Variants in ZNF35 observed in about 807,000 individuals in gnomAD.
ZNF35 encodes the protein zinc finger protein 35, also known as zinc finger protein 35 (clone HF.10).
A neutral mutation model predicts 45.9 loss-of-function variants in ZNF35; 31 were observed. That is an observed-to-expected ratio of 0.68 (90% confidence interval 0.51 to 0.91). The LOEUF is 0.91. ZNF35 is among the 40% of genes least tolerant of loss of function. The probability of loss-of-function intolerance (pLI) is 0.00; values close to 1 mark genes in which losing one functional copy is unlikely to be tolerated. For missense variants in ZNF35, 515 were observed against 625.4 expected, an observed-to-expected ratio of 0.82 and a Z score of 1.88; for synonymous variants, 205 against 220.2, an observed-to-expected ratio of 0.93 and a Z score of 0.61.
chr3:44,660,094 A>G lies in ZNF35; in HGVS notation c.*147A>G. The G allele has an allele frequency of 1.2e-6, 1 of 845,744 alleles. No individual in the cohort carries two copies. Among genetic ancestry groups the G allele is most frequent in the Non-Finnish European group, 1.7e-6 (1 of 589,656 alleles). The allele number at this position is 845,744 out of a possible 1,614,324, so 52.4% of individuals were successfully genotyped here. A position where few individuals can be genotyped will look rare whatever the true frequency, so the allele number is the denominator to read the frequency against. ...TTTTCAGGAATGCAGCAGAAGACAC[A>G]AGAAAAGCATTTCAGAGGCTAATTT... On this transcript the variant is annotated 3_prime_UTR_variant, in exon 4 of 4. Coordinates refer to ENST00000396056, the MANE Select transcript of ZNF35 (RefSeq NM_003420.4).
chr3:44,656,671 G>A (rs1322091852), intron 3 of ZNF35, among the ~76,000 whole-genome samples: 1 of 148,648 alleles, frequency 6.7e-6, no homozygotes, highest in African/African-American at 2.5e-5. Flanking sequence ...GGGATTACAT[G>A]AGCCACTGCA....
chr3:44,650,250 A>ATCCT (rs1575512794), intron 1 of ZNF35, among the ~76,000 whole-genome samples: 1 of 152,190 alleles, frequency 6.6e-6, no homozygotes, highest in East Asian at 1.9e-4. Flanking sequence ...TTAAATCTTA[A>ATCCT]GTGTAATATT....
At chr3:44,657,097 G>T (rs1384288432) in intron 3 of ZNF35, among the ~76,000 whole-genome samples, 1 of 152,162 alleles carries the variant, frequency 6.6e-6, no homozygotes, top group East Asian at 1.9e-4. Flanking sequence ...CTGAATGATT[G>T]TGATAGAATT....
chr3:44,654,994 C>G (rs2125841593), intron 3 of ZNF35, among the ~76,000 whole-genome samples: 1 of 152,118 alleles, frequency 6.6e-6, no homozygotes, highest in African/African-American at 2.4e-5. Flanking sequence ...ATTAGCCAGG[C>G]ATGGTGGTGC....
chr3:44,659,876 G>C lies in ZNF35; in HGVS notation c.1513G>C (p.Glu505Gln), dbSNP rs1703372173. ...THTGEKPYEC[E>Q]KCGAAFISNS... Reference sequence around the variant, plus strand: ...CACTGGGGAGAAGCCCTATGAATGTGAGAAGTGTGGTGCAGCTTTCATTTC... The same window carrying C: ...CACTGGGGAGAAGCCCTATGAATGTCAGAAGTGTGGTGCAGCTTTCATTTC... The change falls in exon 4 of 4, where the codon GAG (glutamate) becomes CAG (glutamine). Residue 505 changes from glutamate (E) to glutamine (Q), a missense_variant. By Grantham distance (29) the Glu-to-Gln change is conservative. Coordinates refer to ENST00000396056, the MANE Select transcript of ZNF35 (RefSeq NM_003420.4). The surrounding 1 kb of genome is among the most constrained non-coding windows in gnomAD (Gnocchi z 4.3). 6.2e-7 allele frequency: 1 copy of C among 1,609,054 alleles called. No homozygotes were observed. Among genetic ancestry groups the C allele is most frequent in the African/African-American group, 1.3e-5 (1 of 74,868 alleles).
rs761992185 is a variant in ZNF35 at position 44,658,776 on chromosome 3, T to C, written c.413T>C (p.Ile138Thr). The C allele has an allele frequency of 1.0e-5, 16 of 1,606,498 alleles. No individual in the cohort carries two copies. The Middle Eastern group carries it at 5.0e-4, about 50-fold the overall frequency. The change falls in exon 4 of 4, where the codon ATA (isoleucine) becomes ACA (threonine). Residue 138 changes from isoleucine to threonine, a missense_variant. This residue lies in a region of ZNF35 where 275 missense variants were observed against 295.7 expected (regional missense o/e 0.93). Transcript: ENST00000396056. ...ICEEAEKPLI[I>T]SERIQKADPQ... Reference sequence around the variant, plus strand: ...GAGGAAGCTGAAAAACCCCTCATCATATCAGAAAGAATCCAGAAAGCTGAT... The same window carrying C: ...GAGGAAGCTGAAAAACCCCTCATCACATCAGAAAGAATCCAGAAAGCTGAT...
intron 3 of ZNF35, among the ~76,000 whole-genome samples, chr3:44,655,794 G>T (rs1031205766): frequency 1.3e-5 from 2 of 152,198 alleles, no homozygotes; most frequent in Non-Finnish European, 1.5e-5. Context: ...TAATGGTTTT[G>T]ACATGAGACA....
Position 44,659,290 on chromosome 3 carries a change from T to C in ZNF35, c.927T>C (p.Asn309=), listed in dbSNP as rs766144715. The C allele has an allele frequency of 6.2e-7, 1 of 1,613,974 alleles. No homozygotes were observed. Among genetic ancestry groups the C allele is most frequent in the Non-Finnish European group, 8.5e-7 (1 of 1,179,954 alleles). ...IHSLEKTFKC[N]ECEKAFSYSS... ...CCTTAGAAAAAACTTTTAAGTGCAATGAATGTGAGAAAGCCTTTAGTTACA... is the reference window on the plus strand; with the variant it reads ...CCTTAGAAAAAACTTTTAAGTGCAACGAATGTGAGAAAGCCTTTAGTTACA... The change falls in exon 4 of 4, where the codon AAT becomes AAC. Residue 309 remains asparagine, a synonymous_variant. Coordinates refer to ENST00000396056, the MANE Select transcript of ZNF35 (RefSeq NM_003420.4). The surrounding 1 kb of genome is among the most constrained non-coding windows in gnomAD (Gnocchi z 4.3).
rs1428110288 is a variant in ZNF35, at chr3:44,648,851, G to C, written c.-128+17G>C. On this transcript the variant is annotated intron_variant, in intron 1 of 3. Coordinates refer to ENST00000396056, the MANE Select transcript of ZNF35 (RefSeq NM_003420.4). ...CTGCGCACAGTGAGTGGGGTCGGAG[G>C]GGGTGGGCACGAACGTCGAGGGAGA... 6.6e-6 allele frequency: 1 copy of C among 152,280 alleles called. No homozygotes were observed. Among genetic ancestry groups the C allele is most frequent in the Admixed American group, 6.6e-5 (1 of 15,214 alleles). The allele number at this position is 152,280 out of a possible 1,614,324, so 9.4% of individuals were successfully genotyped here. A position where few individuals can be genotyped will look rare whatever the true frequency, so the allele number is the denominator to read the frequency against.
At chr3:44,651,703 C>T (rs901146655) in intron 2 of ZNF35, among the ~76,000 whole-genome samples, 8 of 151,804 alleles carry the variant, frequency 5.3e-5, no homozygotes, top group Admixed American at 3.9e-4. Flanking sequence ...CATGGTGGCA[C>T]GTGCCTGTAG....
rs1265196613 is a variant in ZNF35 at position 44,660,638 on chromosome 3, C to T, written c.*691C>T. The T allele has an allele frequency of 2.0e-5, 3 of 152,328 alleles. No homozygotes were observed. Among genetic ancestry groups the T allele is most frequent in the Non-Finnish European group, 4.4e-5 (3 of 68,120 alleles). 9.4% of individuals were successfully genotyped at this position (152,328 alleles called of 1,614,324 possible). A position where few individuals can be genotyped will look rare whatever the true frequency, so the allele number is the denominator to read the frequency against. On this transcript the variant is annotated 3_prime_UTR_variant, in exon 4 of 4. Transcript: ENST00000396056. Reference sequence around the variant, plus strand: ...CACTCAAGGATTGATGGACACCACACACCAGCTATATTCATTTGCCAAGAT... The same window carrying T: ...CACTCAAGGATTGATGGACACCACATACCAGCTATATTCATTTGCCAAGAT...
chr3:44,656,686 G>A (rs538441066), intron 3 of ZNF35, among the ~76,000 whole-genome samples: 15 of 144,856 alleles, frequency 1.0e-4, no homozygotes, highest in Non-Finnish European at 2.0e-4. Flanking sequence ...ACTGCACCCG[G>A]CTTTTTTTTT....
rs1201695543 is a variant in ZNF35 at position 44,656,451 on chromosome 3, C to T, written c.338-2250C>T. The stretch of plus-strand genomic sequence containing the variant: ...TGCTGCCCAGGCTGGAGTGCAGTGG[C>T]ACGATTTCGGCTAACTGCAACCTCT... On this transcript the variant is annotated intron_variant, in intron 3 of 3. Coordinates refer to ENST00000396056, the MANE Select transcript of ZNF35 (RefSeq NM_003420.4). 3.3e-5 allele frequency among the ~76,000 whole-genome samples: 5 copies of T among 150,240 alleles called. No homozygotes were observed. The East Asian group carries it at 7.8e-4, about 23-fold the overall frequency.
chr3:44,649,644 T>G (rs1050105830), intron 1 of ZNF35, among the ~76,000 whole-genome samples: 1 of 152,124 alleles, frequency 6.6e-6, no homozygotes, highest in Non-Finnish European at 1.5e-5. Context: ...GAAAGCAATT[T>G]GACAGTACAT....
At chr3:44,656,046 G>T (rs1703294387) in intron 3 of ZNF35, among the ~76,000 whole-genome samples, 1 of 152,114 alleles carries the variant, frequency 6.6e-6, no homozygotes, top group Non-Finnish European at 1.5e-5. Context: ...GAGGTGAAAA[G>T]AATCAAGGGA....
rs777124890 is a variant in ZNF35 at position 44,659,098 on chromosome 3, T to C, written c.735T>C (p.Thr245=). 2 of 1,614,210 alleles carry C rather than the reference T, an allele frequency of 1.2e-6. No homozygotes were observed. Among genetic ancestry groups the C allele is most frequent in the Non-Finnish European group, 1.7e-6 (2 of 1,180,038 alleles). Residue 245 remains threonine, a synonymous_variant, in exon 4 of 4, where the codon ACT becomes ACC. Coordinates refer to ENST00000396056, the MANE Select transcript of ZNF35 (RefSeq NM_003420.4). This position sits in a 1 kb window ranked among gnomAD's most constrained non-coding sequence, Gnocchi z 4.3. ...ANLVVHQRIH[T]GEKPFECHEC... ...TCGTTGTGCATCAGCGAATCCACACTGGAGAGAAACCCTTTGAATGTCATG... is the reference window on the plus strand; with the variant it reads ...TCGTTGTGCATCAGCGAATCCACACCGGAGAGAAACCCTTTGAATGTCATG...
chr3:44,658,171 C>T (rs1007291612), intron 3 of ZNF35, among the ~76,000 whole-genome samples: 12 of 152,136 alleles, frequency 7.9e-5, no homozygotes, highest in Non-Finnish European at 1.8e-4. Flanking sequence ...GCCAGTGTTA[C>T]CCTTTCTGTC....
Position 44,660,212 on chromosome 3 carries a change from A to C in ZNF35, c.*265A>C, listed in dbSNP as rs1321696789. The stretch of plus-strand genomic sequence containing the variant: ...TGAAGTGGAATGTGGCTTTCCTAGG[A>C]ATGGGTCGTACAAAGCTAAGTGGTA... On this transcript the variant is annotated 3_prime_UTR_variant, in exon 4 of 4. Transcript: ENST00000396056. 3.1e-6 allele frequency: 1 copy of C among 321,860 alleles called. No individual in the cohort carries two copies. Among genetic ancestry groups the C allele is most frequent in the African/African-American group, 2.1e-5 (1 of 47,046 alleles). The allele number at this position is 321,860 out of a possible 1,614,324, so 19.9% of individuals were successfully genotyped here.
At chr3:44,654,876 G>A (rs1703269582) in intron 3 of ZNF35, among the ~76,000 whole-genome samples, 1 of 152,338 alleles carries the variant, frequency 6.6e-6, no homozygotes, top group Non-Finnish European at 1.5e-5. Context: ...GCTCAAGCCT[G>A]TAATCCTAGC....
Sources: allele counts gnomAD v4.1 joint callset (sites outside exome capture counted in the v4.1 genomes callset), GRCh38; gene constraint gnomAD v4.1.1; regional missense constraint gnomAD v4.1.1; non-coding constraint Gnocchi (gnomAD v3.1); transcripts MANE v1.5; gene names NCBI Gene and HGNC (gene_info 2026-07-23, HGNC 2026-07-21).